RABGAP1L: variants seen among roughly 807,000 people sequenced by gnomAD.
The protein encoded by RABGAP1L is RAB GTPase activating protein 1 like.
A neutral mutation model predicts 137.7 loss-of-function variants in RABGAP1L; 63 were observed. That is an observed-to-expected ratio of 0.46 (90% CI 0.37 to 0.56). RABGAP1L has a LOEUF of 0.56. Ranked by LOEUF, RABGAP1L falls within the 20% of genes least tolerant of loss-of-function variation. RABGAP1L has a pLI of 0.00. For synonymous variants in RABGAP1L, 431 were observed against 433.7 expected, an observed-to-expected ratio of 0.99 and a Z score of 0.08; for missense variants, 1,095 against 1,244.0, an observed-to-expected ratio of 0.88 and a Z score of 1.80.
intron 19 of RABGAP1L, among the ~76,000 whole-genome samples, chr1:174,840,311 C>T (rs563432172): frequency 1.3e-5 from 2 of 152,284 alleles, no homozygotes; most frequent in Admixed American, 6.5e-5. Flanking sequence ...GAAACATGAA[C>T]CCTATCTTCA....
intron 11 of RABGAP1L, among the ~76,000 whole-genome samples, chr1:174,361,470 A>G (rs115556926): frequency 0.02 from 3,068 of 152,036 alleles, 108 homozygotes; most frequent in African/African-American, 0.071. Context: ...TTGGCATTTT[A>G]TAGTTTTTAT....
At chr1:174,850,960 G>C (rs113071348) in intron 19 of RABGAP1L, among the ~76,000 whole-genome samples, 4 of 152,220 alleles carry the variant, frequency 2.6e-5, no homozygotes, top group Non-Finnish European at 5.9e-5. Context: ...CCAGCTGACA[G>C]CTAGCAAGGG....
intron 2 of RABGAP1L, 23 bp from the exon 3 acceptor site, chr1:174,220,949 G>A (rs759576204): frequency 4.9e-5 from 76 of 1,536,984 alleles, no homozygotes; most frequent in Non-Finnish European, 6.6e-5. Context: ...AATTGAAACA[G>A]AATTGTCTTG....
chr1:174,962,362 T>G (rs1322830698), intron 20 of RABGAP1L, among the ~76,000 whole-genome samples: 1 of 152,160 alleles, frequency 6.6e-6, no homozygotes, highest in African/African-American at 2.4e-5. Context: ...AATTTCTAAT[T>G]GAAGTGTCTT....
intron 14 of RABGAP1L, among the ~76,000 whole-genome samples, chr1:174,660,191 A>C (rs966832141): frequency 1.3e-5 from 2 of 152,166 alleles, no homozygotes; most frequent in African/African-American, 4.8e-5. Context: ...CAGGGACAGA[A>C]ATAGCAGTGG....
chr1:174,324,844 C>A (rs888379318), intron 11 of RABGAP1L, among the ~76,000 whole-genome samples: 1 of 152,056 alleles, frequency 6.6e-6, no homozygotes, highest in Non-Finnish European at 1.5e-5. Context: ...AAGATAAAGA[C>A]CAAAATCTGT....
At chr1:174,295,086 T>G (rs1170030076) in intron 10 of RABGAP1L, among the ~76,000 whole-genome samples, 3 of 151,854 alleles carry the variant, frequency 2.0e-5, no homozygotes, top group Non-Finnish European at 2.9e-5. Context: ...GCCCGGCTAA[T>G]TTTTGTATTT....
chr1:174,831,478 A>G (rs376138256), intron 19 of RABGAP1L, among the ~76,000 whole-genome samples: 14 of 148,462 alleles, frequency 9.4e-5, no homozygotes, highest in East Asian at 4.2e-4. Context: ...ACACTGACCA[A>G]TTGAAAATAT....
intron 11 of RABGAP1L, among the ~76,000 whole-genome samples, chr1:174,353,890 TC>T (rs1036247802): frequency 2.6e-5 from 4 of 152,238 alleles, no homozygotes; most frequent in African/African-American, 4.8e-5. Flanking sequence ...TGTCTGGTAT[TC>T]GAATTTGCTC....
chr1:174,206,799 T>A (rs867729247), intron 1 of RABGAP1L, among the ~76,000 whole-genome samples: 5 of 152,318 alleles, frequency 3.3e-5, no homozygotes, highest in Middle Eastern at 3.4e-3. Context: ...GTTGTACTAT[T>A]TCTTGTATAT....
In RABGAP1L at chr1:174,234,131, A is replaced by T. The variant is rs1401401515; in HGVS notation, c.542+2776A>T. 2.5e-5 allele frequency among the ~76,000 whole-genome samples: 3 copies of T among 118,084 alleles called. No individual in the cohort carries two copies. In the East Asian group the frequency reaches 6.7e-4, roughly 26 times the overall value. The allele number at this position is 118,084 out of a possible 152,430, so 77.5% of individuals were successfully genotyped here. The stretch of plus-strand genomic sequence containing the variant: ...TGGGATTGTTTGTTTTTTTCTTGTA[A>T]ATTTGTTTGAGTTCATTGTAGATTC... On this transcript the variant is annotated intron_variant, in intron 4 of 25. Transcript: ENST00000681986.
intron 11 of RABGAP1L, among the ~76,000 whole-genome samples, chr1:174,320,635 A>G (rs111962651): frequency 5.3e-5 from 8 of 152,296 alleles, no homozygotes; most frequent in African/African-American, 1.7e-4. Context: ...ATACTTTTAT[A>G]ATTTCTTATG....
chr1:174,557,406 A>G (rs528605911), intron 13 of RABGAP1L, among the ~76,000 whole-genome samples: 3 of 152,308 alleles, frequency 2.0e-5, no homozygotes, highest in Non-Finnish European at 4.4e-5. Context: ...GATAGGCTAT[A>G]TACCACCAGA....
At chr1:174,589,741 G>A (rs1160809025) in intron 13 of RABGAP1L, among the ~76,000 whole-genome samples, 1 of 152,028 alleles carries the variant, frequency 6.6e-6, no homozygotes, top group African/African-American at 2.4e-5. Flanking sequence ...GTATGTTCTT[G>A]GCATGTTGTC....
intron 13 of RABGAP1L, among the ~76,000 whole-genome samples, chr1:174,447,890 G>GCCCCCCCCCT (rs1654952280): frequency 1.4e-5 from 1 of 69,566 alleles, no homozygotes; most frequent in Non-Finnish European, 3.0e-5. Flanking sequence ...ACCCCTTACC[G>GCCCCCCCCCT]CCCCCCCCCC....
At chr1:174,489,974 T>C (rs1170238461) in intron 13 of RABGAP1L, among the ~76,000 whole-genome samples, 1 of 152,136 alleles carries the variant, frequency 6.6e-6, no homozygotes, top group Non-Finnish European at 1.5e-5. Context: ...GATAGAATTT[T>C]GAATTCCTTC....
chr1:174,667,843 C>T lies in RABGAP1L; in HGVS notation c.1825-15679C>T, dbSNP rs377205257. On this transcript the variant is annotated intron_variant, in intron 14 of 25. Coordinates refer to ENST00000681986, the MANE Select transcript of RABGAP1L (RefSeq NM_001366446.1). ...GTACATGTTGACCTCCTCCACAGGG[C>T]TAAATGCTGGGGAGCATGGACTATG... 5.3e-5 allele frequency among the ~76,000 whole-genome samples: 8 copies of T among 152,318 alleles called. No homozygotes were observed. The South Asian group carries it at 1.5e-3, about 28-fold the overall frequency.
chr1:174,709,433 G>A lies in RABGAP1L; in HGVS notation c.2169+7177G>A, dbSNP rs547069216. ...TAACTCATACAGAAGAGCTCTGGCTGGCATCTGGCAGGTGCCCCTCTCTGA... is the reference window on the plus strand; with the variant it reads ...TAACTCATACAGAAGAGCTCTGGCTAGCATCTGGCAGGTGCCCCTCTCTGA... On this transcript the variant is annotated intron_variant, in intron 17 of 25. Transcript: ENST00000681986. Among the ~76,000 whole-genome samples, 6 of 152,284 alleles carry A rather than the reference G, an allele frequency of 3.9e-5. No individual in the cohort carries two copies. The South Asian group carries it at 1.2e-3, about 32-fold the overall frequency.
chr1:174,638,246 C>T (rs1249906162), intron 14 of RABGAP1L, among the ~76,000 whole-genome samples: 3 of 152,186 alleles, frequency 2.0e-5, no homozygotes, highest in African/African-American at 4.8e-5. Flanking sequence ...GTTAGGTAAT[C>T]AGTTCCTGAA....
Sources: gnomAD v4.1 joint callset for allele counts (sites outside exome capture counted in the v4.1 genomes callset) on GRCh38, gnomAD v4.1.1 for gene constraint, MANE v1.5 for transcripts, NCBI Gene and HGNC (gene_info 2026-07-23, HGNC 2026-07-21) for gene names.